Variants in PDE10A observed in about 807,000 individuals in gnomAD.
The protein encoded by PDE10A is cAMP and cAMP-inhibited cGMP 3',5'-cyclic phosphodiesterase 10A.
PDE10A carries 39 observed loss-of-function variants against 97.7 expected under a neutral mutation model. The observed-to-expected ratio is 0.40, with a 90% CI of 0.31 to 0.52. The LOEUF (loss-of-function observed/expected upper bound fraction) is 0.52. Ranked by LOEUF, PDE10A falls within the 20% of genes least tolerant of loss-of-function variation. The probability of loss-of-function intolerance (pLI) is 0.56; values close to 1 mark genes in which losing one functional copy is unlikely to be tolerated. For synonymous variants in PDE10A, 371 were observed against 376.8 expected, an observed-to-expected ratio of 0.98 and a Z score of 0.18; for missense variants, 731 against 1,047.8, an observed-to-expected ratio of 0.70 and a Z score of 4.17.
At chr6:165,667,313 T>TA (rs912640238), upstream of PDE10A, among the ~76,000 whole-genome samples, 3 of 152,182 alleles carry the variant, frequency 2.0e-5, no homozygotes, top group African/African-American at 7.2e-5. Context: ...CCAAGCAGTA[T>TA]ACCCTGAACC....
chr6:165,481,231 A>G (rs684847), intron 3 of PDE10A, among the ~76,000 whole-genome samples: 11,740 of 152,014 alleles, frequency 0.077, 682 homozygotes, highest in African/African-American at 0.16. Context: ...TTCTAGGTCC[A>G]CCCCTCTGTC....
In PDE10A at chr6:165,332,063, TTAAAA is replaced by T. The variant is rs1355953422; in HGVS notation, c.*957_*961del. 2 of 152,186 alleles carry T rather than the reference TTAAAA, an allele frequency of 1.3e-5. No individual in the cohort carries two copies. The highest frequency in any genetic ancestry group is 2.9e-5 in the Non-Finnish European group (2 of 68,030). 9.4% of individuals were successfully genotyped at this position (152,186 alleles called of 1,614,324 possible). A position where few individuals can be genotyped will look rare whatever the true frequency, so the allele number is the denominator to read the frequency against. ...GTATGGTATTTTAATTAAACAATGT[TTAAAA>T]TAAACTTTTCATTGTGAATGAGAGT... On this transcript the variant is annotated 3_prime_UTR_variant, in exon 22 of 22. Coordinates refer to ENST00000539869, the MANE Select transcript of PDE10A (RefSeq NM_001385079.1).
In PDE10A at chr6:165,473,158, C is replaced by T. The variant is rs181761250; in HGVS notation, c.1023+9157G>A. ...AGTCACTAAAGATAATTTTAGACTG[C>T]ATAAAATCATGAAATGCTTATAGCA... is the stretch of plus-strand genomic sequence containing the variant. On this transcript the variant is annotated intron_variant, in intron 3 of 21. Coordinates refer to ENST00000539869, the MANE Select transcript of PDE10A (RefSeq NM_001385079.1). Among the ~76,000 whole-genome samples the T allele has an allele frequency of 1.3e-5, 2 of 152,240 alleles. 1 individual carries two copies. Among genetic ancestry groups the T allele is most frequent in the Admixed American group, 1.3e-4 (2 of 15,294 alleles).
At position 165,645,721 on chromosome 6, in the gene PDE10A, G is replaced by T. The variant is rs561981886; in HGVS notation, c.865+16226C>A. Among the ~76,000 whole-genome samples the T allele has an allele frequency of 5.3e-5, 8 of 152,008 alleles. No homozygotes were observed. In the East Asian group the frequency reaches 1.6e-3, roughly 29 times the overall value. ...ATACAAAAATTAGCTGGGTTTGGTG[G>T]TGTGCACCTGTAATCCCAGCTACTA... is the stretch of plus-strand genomic sequence containing the variant. On this transcript the variant is annotated intron_variant, in intron 1 of 21. Transcript: ENST00000539869.
At chr6:165,350,399 C>T (rs1168041932) in intron 18 of PDE10A, among the ~76,000 whole-genome samples, 1 of 152,122 alleles carries the variant, frequency 6.6e-6, no homozygotes, top group African/African-American at 2.4e-5. Flanking sequence ...ATTTGGAATG[C>T]TATATTTACC....
chr6:165,391,568 A>G (rs1281362379), intron 16 of PDE10A, among the ~76,000 whole-genome samples: 1 of 151,822 alleles, frequency 6.6e-6, no homozygotes, highest in Non-Finnish European at 1.5e-5. Context: ...TGTTAAGACA[A>G]ACAAATGAAA....
At position 165,423,188 on chromosome 6, in the gene PDE10A, G is replaced by A. The variant is rs997289619; in HGVS notation, c.1654-4411C>T. On this transcript the variant is annotated intron_variant, in intron 10 of 21. Transcript: ENST00000539869. ...AAAGATTATTTGAGCCCCCATGTCC[G>A]CTAATTATATAAGCCTGAACATTCA... Among the ~76,000 whole-genome samples, 11 of 152,228 alleles carry A rather than the reference G, an allele frequency of 7.2e-5. 1 individual carries two copies. The highest frequency in any genetic ancestry group is 3.9e-4 in the Admixed American group (6 of 15,292).
chr6:165,649,963 C>T (rs759887258), intron 1 of PDE10A, among the ~76,000 whole-genome samples: 12 of 152,340 alleles, frequency 7.9e-5, no homozygotes, highest in Non-Finnish European at 1.3e-4. Flanking sequence ...ATGCTTTCCA[C>T]GTTCAAATCT....
At chr6:165,697,949 C>T (rs747138891) in intron 1 of PDE10A, among the ~76,000 whole-genome samples, 27 of 152,266 alleles carry the variant, frequency 1.8e-4, no homozygotes, top group African/African-American at 4.6e-4. Flanking sequence ...ATTCCTGTTA[C>T]GCCGTCACTG....
At chr6:165,666,792 G>T (rs1324445272), upstream of PDE10A, among the ~76,000 whole-genome samples, 1 of 152,176 alleles carries the variant, frequency 6.6e-6, no homozygotes, top group African/African-American at 2.4e-5. Context: ...ATATCAACAT[G>T]TTGGGGTAAG....
rs578062688 is a variant in PDE10A, at chr6:165,944,722, T to G, written c.-615+42807A>C. Among the ~76,000 whole-genome samples the G allele has an allele frequency of 3.5e-4, 53 of 152,330 alleles. 1 individual carries two copies. The highest frequency in any genetic ancestry group is 1.1e-3 in the African/African-American group (47 of 41,576). On this transcript the variant is annotated intron_variant, in intron 1 of 19. Transcript: ENST00000366882. Reference sequence around the variant, plus strand: ...CTGCCTGTGGTATGCTGGGGCCCACTCACGTTCACATATTCTTGCTTCAAA... The same window carrying G: ...CTGCCTGTGGTATGCTGGGGCCCACGCACGTTCACATATTCTTGCTTCAAA...
chr6:165,778,021 A>T (rs900236469), intron 1 of PDE10A, among the ~76,000 whole-genome samples: 8 of 148,994 alleles, frequency 5.4e-5, no homozygotes, highest in African/African-American at 1.6e-4. Context: ...GGTTTAAATT[A>T]AAAAGGCTAC....
In PDE10A at chr6:165,725,097, C is replaced by T. The variant is rs569299894; in HGVS notation, c.-614-181529G>A. The stretch of plus-strand genomic sequence containing the variant: ...AGTCCGGCTGCTGAGCAGCCTGACT[C>T]CAGGGGAAGACCACCTTCCCACTCC... On this transcript the variant is annotated intron_variant, in intron 1 of 19. Transcript: ENST00000366882. Among the ~76,000 whole-genome samples the T allele has an allele frequency of 2.0e-4, 31 of 152,304 alleles. No individual in the cohort carries two copies. The East Asian group carries it at 5.2e-3, about 26-fold the overall frequency.
intron 1 of PDE10A, among the ~76,000 whole-genome samples, chr6:165,697,400 G>A (rs1791466698): frequency 6.6e-6 from 1 of 152,192 alleles, no homozygotes; most frequent in African/African-American, 2.4e-5. Flanking sequence ...TAGCAAAGCT[G>A]TAATAAAAAA....
In PDE10A at chr6:165,717,967, A is replaced by G. The variant is rs559587492; in HGVS notation, c.-614-174399T>C. Among the ~76,000 whole-genome samples, 7 of 152,348 alleles carry G rather than the reference A, an allele frequency of 4.6e-5. 1 individual carries two copies. The South Asian group carries it at 1.4e-3, about 32-fold the overall frequency. The stretch of plus-strand genomic sequence containing the variant: ...GGTTTTTTTGTGGTCGTTGAGTTGC[A>G]GGAATTCTTTGCATAAGCTGCATAA... On this transcript the variant is annotated intron_variant, in intron 1 of 19. Coordinates refer to the PDE10A transcript ENST00000366882.
At chr6:165,692,396 T>C (rs4532422) in intron 1 of PDE10A, among the ~76,000 whole-genome samples, 124,196 of 152,168 alleles carry the variant, frequency 0.82, 51,221 homozygotes, top group Non-Finnish European at 0.88. Context: ...CATCACACAT[T>C]GGGCCCTCCA....
chr6:165,790,649 G>T (rs9348047), intron 1 of PDE10A, among the ~76,000 whole-genome samples: 4 of 151,604 alleles, frequency 2.6e-5, no homozygotes, highest in Admixed American at 6.6e-5. Flanking sequence ...TTTCCTAATG[G>T]GCTGTGTTGA....
intron 13 of PDE10A, among the ~76,000 whole-genome samples, chr6:165,398,000 TACTA>T (rs1350370428): frequency 3.9e-5 from 6 of 152,202 alleles, no homozygotes; most frequent in African/African-American, 1.4e-4. Flanking sequence ...ATATTTTACT[TACTA>T]AATAAGTCTT....
At chr6:165,523,827 C>T (rs779059545) in intron 2 of PDE10A, among the ~76,000 whole-genome samples, 15 of 152,144 alleles carry the variant, frequency 9.9e-5, no homozygotes, top group Admixed American at 7.9e-4. Flanking sequence ...ACCATTGTGA[C>T]GGTTAATACT....
Sources: allele counts gnomAD v4.1 joint callset (sites outside exome capture counted in the v4.1 genomes callset), GRCh38; gene constraint gnomAD v4.1.1; transcripts MANE v1.5; gene names NCBI Gene and HGNC (gene_info 2026-07-23, HGNC 2026-07-21).